Variants in PTPRN2 observed in about 807,000 individuals in gnomAD.
PTPRN2 encodes the protein receptor-type tyrosine-protein phosphatase N2.
PTPRN2 carries 74 observed loss-of-function variants against 118.8 expected under a neutral mutation model. The observed-to-expected ratio is 0.62, with a 90% confidence interval of 0.52 to 0.76. The LOEUF is 0.76. Among genes scored for constraint, PTPRN2 ranks in the 30% least tolerant of loss-of-function variants. The probability of loss-of-function intolerance (pLI) is 0.00; values close to 1 mark genes in which losing one functional copy is unlikely to be tolerated. For synonymous variants in PTPRN2, 641 were observed against 608.0 expected, an observed-to-expected ratio of 1.05 and a Z score of -0.80; for missense variants, 1,481 against 1,394.4, an observed-to-expected ratio of 1.06 and a Z score of -0.99.
chr7:158,262,080 G>A (rs1384102163), intron 3 of PTPRN2, among the ~76,000 whole-genome samples: 4 of 152,128 alleles, frequency 2.6e-5, no homozygotes, highest in African/African-American at 4.8e-5. Flanking sequence ...CCCAGAGCAC[G>A]AAGAGCTCCT....
chr7:158,203,941 C>G (rs1385067562), intron 4 of PTPRN2, among the ~76,000 whole-genome samples: 1 of 152,208 alleles, frequency 6.6e-6, no homozygotes, highest in Non-Finnish European at 1.5e-5. Flanking sequence ...CAGCCCCTGC[C>G]CTCAGTGTGC....
At chr7:158,104,212 T>G (rs1815478856) in intron 10 of PTPRN2, among the ~76,000 whole-genome samples, 1 of 152,148 alleles carries the variant, frequency 6.6e-6, no homozygotes, top group South Asian at 2.1e-4. Flanking sequence ...CTGAGATTTC[T>G]TTTCTGTGCT....
At position 158,138,512 on chromosome 7, in the gene PTPRN2, G is replaced by A; in HGVS notation, c.914C>T (p.Ala305Val). The A allele has an allele frequency of 6.2e-7, 1 of 1,610,312 alleles. No homozygotes were observed. Residue 305 changes from alanine (A) to valine (V), a missense_variant, in exon 7 of 23, where the codon GCA (alanine) becomes GTA (valine). This residue lies in a region of PTPRN2 where 1,115 missense variants were observed against 994.2 expected (regional missense o/e 1.12). Transcript: ENST00000389418. ...GTCCTTCAGGAGGGTATGAATCCGT[G>A]CTCCTAGGGGCACACACACAAACAC... Reference protein sequence around the residue: ...SEDPSSTGDGARIHTLLKDLQ... With the variant: ...SEDPSSTGDGVRIHTLLKDLQ...
chr7:158,447,742 C>T (rs1024554259), intron 2 of PTPRN2, among the ~76,000 whole-genome samples: 39 of 152,340 alleles, frequency 2.6e-4, no homozygotes, highest in African/African-American at 8.7e-4. Flanking sequence ...GCAGTGAAGA[C>T]GAAGGCTGCC....
intron 7 of PTPRN2, among the ~76,000 whole-genome samples, chr7:158,137,184 CAA>C (rs1287975059): frequency 6.6e-6 from 1 of 152,030 alleles, no homozygotes; most frequent in African/African-American, 2.4e-5. Flanking sequence ...TTTGGGAGGC[CAA>C]GGTGGGCGGA....
In PTPRN2 at chr7:157,682,715, C is replaced by A. The variant is rs1280052729; in HGVS notation, c.2001+10G>T. ...TCCGATATACCACTTTTTAAAAAGT[C>A]TCCTCTTACCTGGTAGGCGGCAGTG... On this transcript the variant is annotated intron_variant, in intron 13 of 22. Coordinates refer to ENST00000389418, the MANE Select transcript of PTPRN2 (RefSeq NM_002847.5). 1 of 1,608,982 alleles carries A rather than the reference C, an allele frequency of 6.2e-7. No homozygotes were observed. Among genetic ancestry groups the A allele is most frequent in the East Asian group, 2.2e-5 (1 of 44,872 alleles).
In PTPRN2 at chr7:157,622,547, G is replaced by A. The variant is rs1174324011; in HGVS notation, c.2197-1038C>T. ...AGAGGGAGGGAGGGCTGGACACGGCGAGGCGGGAATCTCAGGTCATCGTGC... is the reference window on the plus strand; with the variant it reads ...AGAGGGAGGGAGGGCTGGACACGGCAAGGCGGGAATCTCAGGTCATCGTGC... On this transcript the variant is annotated intron_variant, in intron 14 of 22. Transcript: ENST00000389418. This position sits in a 1 kb window ranked among gnomAD's most constrained non-coding sequence, Gnocchi z 5.3. Among the ~76,000 whole-genome samples, 6 of 152,270 alleles carry A rather than the reference G, an allele frequency of 3.9e-5. No homozygotes were observed. Among genetic ancestry groups the A allele is most frequent in the East Asian group, 1.9e-4 (1 of 5,148 alleles).
intron 2 of PTPRN2, among the ~76,000 whole-genome samples, chr7:158,324,843 T>C (rs10949717): frequency 0.96 from 146,725 of 152,144 alleles, 70,805 homozygotes; most frequent in African/African-American, 0.99. Context: ...TTTGATACCC[T>C]GTGAGGAAAG....
chr7:158,203,528 C>G (rs1370118989), intron 4 of PTPRN2, among the ~76,000 whole-genome samples: 1 of 152,068 alleles, frequency 6.6e-6, no homozygotes, highest in East Asian at 1.9e-4. Context: ...GCAGGTCCTC[C>G]CTGGATTGTT....
rs1234653586 is a variant in PTPRN2 at position 158,149,502 on chromosome 7, A to AT, written c.911-10988dup. Among the ~76,000 whole-genome samples the AT allele has an allele frequency of 3.9e-5, 6 of 151,932 alleles. No homozygotes were observed. The South Asian group carries it at 1.2e-3, about 32-fold the overall frequency. ...CAAAGGCAATCCAATTAACTCACTG[A>AT]TTTTTAAAAAGATAAGCCCGGCTGG... On this transcript the variant is annotated intron_variant, in intron 6 of 22. Coordinates refer to ENST00000389418, the MANE Select transcript of PTPRN2 (RefSeq NM_002847.5).
At chr7:158,082,215 G>T (rs1048638813) in intron 10 of PTPRN2, among the ~76,000 whole-genome samples, 12 of 152,174 alleles carry the variant, frequency 7.9e-5, no homozygotes, top group Admixed American at 7.2e-4. Flanking sequence ...CCTGGGAGGT[G>T]CCTGCACTGA....
rs181761379 is a variant in PTPRN2 at position 157,835,630 on chromosome 7, C to T, written c.1788+63043G>A. 7.7e-3 allele frequency among the ~76,000 whole-genome samples: 1,179 copies of T among 152,178 alleles called. 20 individuals are homozygous for T. Among genetic ancestry groups the T allele is most frequent in the African/African-American group, 0.027 (1,114 of 41,504 alleles). ...TGCAGCAATGCCTCGGCTCTCAGGGCGCTCGGGAGGGTGCAGGGGCGAAAT... is the reference window on the plus strand; with the variant it reads ...TGCAGCAATGCCTCGGCTCTCAGGGTGCTCGGGAGGGTGCAGGGGCGAAAT... On this transcript the variant is annotated intron_variant, in intron 12 of 22. Transcript: ENST00000389418.
At chr7:157,855,726 T>A (rs7357284) in intron 12 of PTPRN2, among the ~76,000 whole-genome samples, 75,610 of 152,046 alleles carry the variant, frequency 0.5, 20,356 homozygotes, top group African/African-American at 0.72. Context: ...AAGCCACTGA[T>A]TGGGCCCAGG....
intron 2 of PTPRN2, among the ~76,000 whole-genome samples, chr7:158,350,197 T>C (rs946146382): frequency 6.6e-6 from 1 of 152,222 alleles, no homozygotes; most frequent in Non-Finnish European, 1.5e-5. Context: ...CCATTGAGCA[T>C]TGACCCTGAG....
intron 12 of PTPRN2, chr7:157,739,367 C>T (rs1253170276): frequency 5.3e-5 from 8 of 152,284 alleles, no homozygotes; most frequent in South Asian, 4.1e-4. Flanking sequence ...TGACTACTCT[C>T]TCACCCCGGC....
intron 11 of PTPRN2, among the ~76,000 whole-genome samples, chr7:157,904,411 T>G (rs1011786041): frequency 2.6e-5 from 4 of 152,076 alleles, no homozygotes; most frequent in African/African-American, 7.2e-5. Flanking sequence ...GTCTGCTGAG[T>G]GATGCCCTCC....
In PTPRN2 at chr7:158,546,347, T is replaced by C. The variant is rs1826279302; in HGVS notation, c.112+41211A>G. 6.6e-6 allele frequency among the ~76,000 whole-genome samples: 1 copy of C among 152,162 alleles called. No homozygotes were observed. Among genetic ancestry groups the C allele is most frequent in the Non-Finnish European group, 1.5e-5 (1 of 68,022 alleles). On this transcript the variant is annotated intron_variant, in intron 1 of 22. Coordinates refer to ENST00000389418, the MANE Select transcript of PTPRN2 (RefSeq NM_002847.5). This position sits in a 1 kb window ranked among gnomAD's most constrained non-coding sequence, Gnocchi z 5.0. ...AGACGGGGTCCGCGAGGTGCCAGCT[T>C]TGCACTGTCAAAGGGAATCCCTCCC...
intron 12 of PTPRN2, among the ~76,000 whole-genome samples, chr7:157,844,851 A>G (rs970346027): frequency 8.5e-5 from 13 of 152,212 alleles, no homozygotes; most frequent in African/African-American, 2.9e-4. Context: ...TGTCTACCGC[A>G]GAGTCCTGTG....
At position 157,780,539 on chromosome 7, in the gene PTPRN2, TCAGG is replaced by T. The variant is rs1803613659; in HGVS notation, c.1789-97606_1789-97603del. On this transcript the variant is annotated intron_variant, in intron 12 of 22. Transcript: ENST00000389418. This position sits in a 1 kb window ranked among gnomAD's most constrained non-coding sequence, Gnocchi z 4.5. ...CATGGTGCAGACCGTGGCAGCCAAG[TCAGG>T]CATACAGCAGCCCTCTTGCTGGCTT... is the stretch of plus-strand genomic sequence containing the variant. Among the ~76,000 whole-genome samples the T allele has an allele frequency of 6.6e-6, 1 of 152,138 alleles. No individual in the cohort carries two copies. Among genetic ancestry groups the T allele is most frequent in the Non-Finnish European group, 1.5e-5 (1 of 68,012 alleles).
Sources: gnomAD v4.1 joint callset for allele counts (sites outside exome capture counted in the v4.1 genomes callset) on GRCh38, gnomAD v4.1.1 for gene constraint, gnomAD v4.1.1 regional missense constraint, Gnocchi (gnomAD v3.1) non-coding constraint, MANE v1.5 for transcripts, NCBI Gene and HGNC (gene_info 2026-07-23, HGNC 2026-07-21) for gene names.